Variants in PDS5A observed in about 807,000 individuals in gnomAD.
PDS5A encodes the protein sister chromatid cohesion protein PDS5 homolog A.
In PDS5A, 42 loss-of-function variants were observed where a neutral mutation model predicts 167.1. That is an observed-to-expected ratio of 0.25 (90% CI 0.20 to 0.33). The LOEUF is 0.33. PDS5A is among the 10% of genes least tolerant of loss of function. The pLI is 1.00. For missense variants in PDS5A, 1,033 were observed against 1,605.9 expected, an observed-to-expected ratio of 0.64 and a Z score of 6.10; for synonymous variants, 553 against 554.6, an observed-to-expected ratio of 1.00 and a Z score of 0.04.
At chr4:39,849,471 A>G (rs1199125077) in intron 27 of PDS5A, 49 bp downstream of exon 27, 8 of 1,313,378 alleles carry the variant, frequency 6.1e-6, no homozygotes, top group South Asian at 1.5e-5. Flanking sequence ...GTGGGACAAT[A>G]TATTTTTCTA....
chr4:39,943,327 T>G lies in PDS5A; in HGVS notation c.139-15163A>C, dbSNP rs76761146. 4.7e-3 allele frequency among the ~76,000 whole-genome samples: 715 copies of G among 152,272 alleles called. 9 individuals carry two copies. The highest frequency in any genetic ancestry group is 0.016 in the African/African-American group (674 of 41,546). On this transcript the variant is annotated intron_variant, in intron 2 of 32. Coordinates refer to ENST00000303538, the MANE Select transcript of PDS5A (RefSeq NM_001100399.2). ...GACCTGTTTTTCTAATACACCAGCA[T>G]AGACTACTTGATATATAATTTATTA...
At chr4:39,860,442 G>A (rs763016227) in intron 26 of PDS5A, among the ~76,000 whole-genome samples, 8 of 151,292 alleles carry the variant, frequency 5.3e-5, no homozygotes, top group Non-Finnish European at 1.2e-4. Context: ...TCCAGCCAGG[G>A]CAACAGAGTA....
At chr4:39,958,854 C>T (rs1295755935) in intron 2 of PDS5A, among the ~76,000 whole-genome samples, 1 of 152,134 alleles carries the variant, frequency 6.6e-6, no homozygotes, top group Non-Finnish European at 1.5e-5. Flanking sequence ...AGTGATCCAC[C>T]TGCCTTGGCC....
At chr4:39,907,491 C>A (rs1723484199) in intron 11 of PDS5A, among the ~76,000 whole-genome samples, 1 of 152,118 alleles carries the variant, frequency 6.6e-6, no homozygotes, top group Non-Finnish European at 1.5e-5. Context: ...GCCTAATCAG[C>A]CTGCCTTACA....
At chr4:39,897,261 G>A (rs1722496210) in intron 16 of PDS5A, among the ~76,000 whole-genome samples, 2 of 152,060 alleles carry the variant, frequency 1.3e-5, no homozygotes, top group African/African-American at 4.8e-5. Context: ...CAGATGTGAT[G>A]GCTCATGCCT....
chr4:39,905,345 G>A (rs2109664782), intron 11 of PDS5A, among the ~76,000 whole-genome samples: 1 of 151,954 alleles, frequency 6.6e-6, no homozygotes, highest in African/African-American at 2.4e-5. Flanking sequence ...ATCACCTGAG[G>A]TCAGGAGTTC....
Position 39,825,488 on chromosome 4 carries a change from C to T in PDS5A, c.4011G>A (p.Arg1337=). Residue 1337 remains arginine, a splice_region_variant and synonymous_variant, in exon 33 of 33, where the codon AGG becomes AGA. Transcript: ENST00000303538. ...APAERQIDLQ[R] is the part of the protein sequence containing the mutation. The stretch of plus-strand genomic sequence containing the variant: ...TTCTCCCTTTGCAAATGCATTTTTA[C>T]CTTAGGGTTAAGAATAGAACGCAAA... 1 of 1,578,752 alleles carries T rather than the reference C, an allele frequency of 6.3e-7. No homozygotes were observed. The highest frequency in any genetic ancestry group is 8.6e-7 in the Non-Finnish European group (1 of 1,159,206).
intron 9 of PDS5A, among the ~76,000 whole-genome samples, chr4:39,911,668 T>C (rs1210422554): frequency 1.3e-5 from 2 of 151,726 alleles, no homozygotes; most frequent in Non-Finnish European, 2.9e-5. Flanking sequence ...CTGTCTCTAC[T>C]AAAAATACAA....
chr4:39,945,471 A>AAAT (rs1287178015), intron 2 of PDS5A, among the ~76,000 whole-genome samples: 1 of 151,744 alleles, frequency 6.6e-6, no homozygotes, highest in African/African-American at 2.4e-5. Context: ...AAAAAAAAAA[A>AAAT]AAAAAAAAAA....
At chr4:39,847,336 A>G (rs1393345369) in intron 28 of PDS5A, 1 of 152,298 alleles carries the variant, frequency 6.6e-6, no homozygotes, top group Admixed American at 6.5e-5. Context: ...TAGGCTGGGC[A>G]TGGTGGCTCA....
intron 2 of PDS5A, among the ~76,000 whole-genome samples, chr4:39,931,790 AG>A (rs1578768800): frequency 6.6e-6 from 1 of 152,156 alleles, no homozygotes; most frequent in African/African-American, 2.4e-5. Context: ...CAAGGAAATA[AG>A]GATCATTCAG....
chr4:39,898,551 A>G, intron 15 of PDS5A, 23 bp from the exon 16 acceptor site: 6 of 1,417,664 alleles, frequency 4.2e-6, no homozygotes, highest in African/African-American at 1.5e-5. Context: ...AAGAGAATCA[A>G]TATTAGAGAA....
At chr4:39,830,797 C>G (rs747080205) in intron 32 of PDS5A, among the ~76,000 whole-genome samples, 5 of 152,148 alleles carry the variant, frequency 3.3e-5, no homozygotes, top group Non-Finnish European at 7.4e-5. Context: ...ATGCCACTTT[C>G]AAAAACATCT....
chr4:39,904,509 T>C (rs1360452277), intron 11 of PDS5A, among the ~76,000 whole-genome samples: 1 of 152,170 alleles, frequency 6.6e-6, no homozygotes, highest in Non-Finnish European at 1.5e-5. Context: ...TAATTTTTTA[T>C]TTTTAGTAGA....
chr4:39,876,195 G>A (rs879332790), intron 19 of PDS5A, among the ~76,000 whole-genome samples: 1 of 151,958 alleles, frequency 6.6e-6, no homozygotes, highest in Non-Finnish European at 1.5e-5. Context: ...CTATCCTATT[G>A]TGTCAGTGAT....
At position 39,824,773 on chromosome 4, in the gene PDS5A, GA is replaced by G. The variant is rs1398126124; in HGVS notation, c.*711del. 1 of 152,556 alleles carries G rather than the reference GA, an allele frequency of 6.6e-6. No homozygotes were observed. The highest frequency in any genetic ancestry group is 6.6e-5 in the Admixed American group (1 of 15,266). The allele number at this position is 152,556 out of a possible 1,614,324, so 9.5% of individuals were successfully genotyped here. A position where few individuals can be genotyped will look rare whatever the true frequency, so the allele number is the denominator to read the frequency against. On this transcript the variant is annotated 3_prime_UTR_variant, in exon 33 of 33. Transcript: ENST00000303538. ...ATTGCAAATTATATTAAACTAAAATGAGGGGAAATCAAAATATGAACTGTTT... is the reference window on the plus strand; with the variant it reads ...ATTGCAAATTATATTAAACTAAAATGGGGGAAATCAAAATATGAACTGTTT...
Position 39,898,396 on chromosome 4 carries a change from A to G in PDS5A, c.1763T>C (p.Ile588Thr). 6.4e-7 allele frequency: 1 copy of G among 1,567,466 alleles called. No individual in the cohort carries two copies. The highest frequency in any genetic ancestry group is 8.6e-7 in the Non-Finnish European group (1 of 1,156,966). ...GAAGTATGATTTACTAACCACACAA[A>G]TATCTGCTTGTTTGCAAGAACAGGT... The part of the protein sequence containing the change: ...SPTCSCKQAD[I>T]CVREIARKLA... Residue 588 changes from isoleucine to threonine, a missense_variant, in exon 16 of 33, where the codon ATT becomes ACT. By Grantham distance (89) the Ile-to-Thr change is moderately conservative. Transcript: ENST00000303538.
chr4:39,950,301 C>G (rs2109785625), intron 2 of PDS5A, among the ~76,000 whole-genome samples: 1 of 152,098 alleles, frequency 6.6e-6, no homozygotes, highest in East Asian at 1.9e-4. Flanking sequence ...GTGGGTCTCA[C>G]CTATAATCCC....
At chr4:39,873,640 A>G (rs1014348274) in intron 20 of PDS5A, among the ~76,000 whole-genome samples, 2 of 152,204 alleles carry the variant, frequency 1.3e-5, no homozygotes, top group African/African-American at 4.8e-5. Flanking sequence ...ATTTTCAGGT[A>G]GGGTTCTTAG....
Sources: gnomAD v4.1 joint callset for allele counts (sites outside exome capture counted in the v4.1 genomes callset) on GRCh38, gnomAD v4.1.1 for gene constraint, MANE v1.5 for transcripts, NCBI Gene and HGNC (gene_info 2026-07-23, HGNC 2026-07-21) for gene names.